GUCY1A2: variants seen among roughly 807,000 people sequenced by gnomAD.
GUCY1A2 encodes the protein guanylate cyclase 1 soluble subunit alpha 2.
In GUCY1A2, 27 loss-of-function variants were observed where a neutral mutation model predicts 63.5. The observed-to-expected ratio is 0.43, with a 90% CI of 0.31 to 0.59. The LOEUF is 0.59. Among genes scored for constraint, GUCY1A2 ranks in the 20% least tolerant of loss-of-function variants. The pLI is 0.11. For synonymous variants in GUCY1A2, 364 were observed against 343.5 expected, an observed-to-expected ratio of 1.06 and a Z score of -0.66; for missense variants, 768 against 913.3, an observed-to-expected ratio of 0.84 and a Z score of 2.05.
At chr11:106,862,775 A>G (rs1402798437) in intron 4 of GUCY1A2, among the ~76,000 whole-genome samples, 2 of 152,094 alleles carry the variant, frequency 1.3e-5, no homozygotes, top group African/African-American at 4.8e-5. Context: ...GTGGCTCTGT[A>G]AACGACTCTG....
chr11:106,723,678 C>G (rs1863355706), intron 6 of GUCY1A2, among the ~76,000 whole-genome samples: 2 of 152,180 alleles, frequency 1.3e-5, no homozygotes, highest in South Asian at 4.1e-4. Flanking sequence ...CAAAAATTAG[C>G]TGGGCATGGT....
At chr11:106,793,798 G>A (rs951107852) in intron 5 of GUCY1A2, among the ~76,000 whole-genome samples, 3 of 152,016 alleles carry the variant, frequency 2.0e-5, no homozygotes, top group Non-Finnish European at 2.9e-5. Context: ...AAGCCACAAC[G>A]AGATATCACC....
intron 4 of GUCY1A2, among the ~76,000 whole-genome samples, chr11:106,845,287 A>G (rs1426922225): frequency 6.6e-6 from 1 of 151,672 alleles, no homozygotes; most frequent in East Asian, 1.9e-4. Context: ...CCGATTAAAA[A>G]AAAAAAATGC....
intron 6 of GUCY1A2, among the ~76,000 whole-genome samples, chr11:106,709,308 T>G (rs1489361008): frequency 2.6e-5 from 2 of 75,488 alleles, no homozygotes; most frequent in East Asian, 5.8e-4. Flanking sequence ...TTTTTATATT[T>G]ATATATATTT....
At chr11:106,804,805 G>T (rs1858658061) in intron 5 of GUCY1A2, among the ~76,000 whole-genome samples, 3 of 152,134 alleles carry the variant, frequency 2.0e-5, no homozygotes, top group African/African-American at 7.2e-5. Context: ...ATTCTGTCCA[G>T]GGAAAAGACT....
chr11:106,683,174 A>G lies in GUCY1A2; in HGVS notation c.*4375T>C, dbSNP rs1862460147. Reference sequence around the variant, plus strand: ...CAATAATTCAGTCTCATGCATCATGATTTTTGGGTTATATCTATTATTAAG... The same window carrying G: ...CAATAATTCAGTCTCATGCATCATGGTTTTTGGGTTATATCTATTATTAAG... On this transcript the variant is annotated 3_prime_UTR_variant, in exon 8 of 8. Coordinates refer to ENST00000526355, the MANE Select transcript of GUCY1A2 (RefSeq NM_000855.3). 2 of 214,710 alleles carry G rather than the reference A, an allele frequency of 9.3e-6. No individual in the cohort carries two copies. The highest frequency in any genetic ancestry group is 1.2e-4 in the Admixed American group (2 of 17,088). 13.3% of individuals were successfully genotyped at this position (214,710 alleles called of 1,614,324 possible).
chr11:106,877,754 A>G (rs1223754816), intron 4 of GUCY1A2, among the ~76,000 whole-genome samples: 2 of 152,172 alleles, frequency 1.3e-5, no homozygotes, highest in African/African-American at 4.8e-5. Context: ...AGCAATTTCA[A>G]CAAAAGCAAA....
chr11:106,984,321 C>T (rs1419162425), intron 2 of GUCY1A2, among the ~76,000 whole-genome samples: 3 of 152,088 alleles, frequency 2.0e-5, no homozygotes, highest in Non-Finnish European at 4.4e-5. Context: ...ACTGTGTATG[C>T]AATAAACAGA....
At chr11:106,715,682 C>T (rs760602245) in intron 6 of GUCY1A2, among the ~76,000 whole-genome samples, 3 of 152,172 alleles carry the variant, frequency 2.0e-5, no homozygotes, top group Non-Finnish European at 2.9e-5. Context: ...CTAAATATTT[C>T]CTGACTGCTC....
At chr11:106,999,312 G>A (rs1421540377) in intron 1 of GUCY1A2, among the ~76,000 whole-genome samples, 2 of 152,070 alleles carry the variant, frequency 1.3e-5, no homozygotes, top group Non-Finnish European at 2.9e-5. Flanking sequence ...TAACATTTTC[G>A]TAACCTTAAT....
intron 4 of GUCY1A2, among the ~76,000 whole-genome samples, chr11:106,870,107 A>AGGG (rs536416669): frequency 1.2e-3 from 54 of 43,980 alleles, no homozygotes; most frequent in Admixed American, 3.8e-3. Context: ...GCCTCTTGTG[A>AGGG]GGGGGGGGGA....
At chr11:106,712,158 G>A (rs1182743307) in intron 6 of GUCY1A2, among the ~76,000 whole-genome samples, 1 of 151,848 alleles carries the variant, frequency 6.6e-6, no homozygotes. Context: ...ACATATGTTA[G>A]GAGCTTGAAT....
chr11:106,730,803 G>A (rs1285664899), intron 6 of GUCY1A2, among the ~76,000 whole-genome samples: 1 of 152,028 alleles, frequency 6.6e-6, no homozygotes, highest in Non-Finnish European at 1.5e-5. Flanking sequence ...TTTAATCATA[G>A]CCATTCTGAC....
chr11:106,699,088 TTAG>T (rs1415445089), intron 7 of GUCY1A2, among the ~76,000 whole-genome samples: 2 of 152,218 alleles, frequency 1.3e-5, no homozygotes, highest in Non-Finnish European at 2.9e-5. Flanking sequence ...GGATTTTGAG[TTAG>T]ATATTACTTG....
chr11:106,838,951 C>A lies in GUCY1A2; in HGVS notation c.1207-28473G>T, dbSNP rs542829112. Among the ~76,000 whole-genome samples, 62 of 152,014 alleles carry A rather than the reference C, an allele frequency of 4.1e-4. 1 individual carries two copies. The South Asian group carries it at 0.011, about 26-fold the overall frequency. ...TGCCTGTTCACTCTGATGGTAGTTT[C>A]TTTTGCTGTGCAGAAGCTCTTTAGT... On this transcript the variant is annotated intron_variant, in intron 4 of 7. Coordinates refer to ENST00000526355, the MANE Select transcript of GUCY1A2 (RefSeq NM_000855.3).
intron 4 of GUCY1A2, among the ~76,000 whole-genome samples, chr11:106,866,695 C>T (rs1462155367): frequency 6.6e-6 from 1 of 151,960 alleles, no homozygotes; most frequent in Non-Finnish European, 1.5e-5. Flanking sequence ...CTTTGTAATT[C>T]AAAAGGTGAA....
intron 6 of GUCY1A2, among the ~76,000 whole-genome samples, chr11:106,775,281 C>A (rs1001293303): frequency 1.3e-5 from 2 of 152,046 alleles, no homozygotes; most frequent in Non-Finnish European, 2.9e-5. Flanking sequence ...TAAAATTAAA[C>A]CTTCTGGTTT....
At chr11:106,760,923 G>A (rs1322792676) in intron 6 of GUCY1A2, among the ~76,000 whole-genome samples, 1 of 152,144 alleles carries the variant, frequency 6.6e-6, no homozygotes, top group Non-Finnish European at 1.5e-5. Context: ...AAAGGAAACA[G>A]TAAAAATAGT....
rs1379122598 is a variant in GUCY1A2, at chr11:106,677,186, G to T, written c.*10363C>A. 2 of 221,074 alleles carry T rather than the reference G, an allele frequency of 9.0e-6. No homozygotes were observed. The highest frequency in any genetic ancestry group is 2.2e-5 in the African/African-American group (1 of 44,540). The allele number at this position is 221,074 out of a possible 1,614,324, so 13.7% of individuals were successfully genotyped here. A position where few individuals can be genotyped will look rare whatever the true frequency, so the allele number is the denominator to read the frequency against. On this transcript the variant is annotated 3_prime_UTR_variant, in exon 8 of 8. Transcript: ENST00000526355. ...TAAAGCAAAGAGGGAGGGAAGGAAA[G>T]GAAGGAAAGGAAGGAAGGAAGGAAG...
Sources: gnomAD v4.1 joint callset for allele counts (sites outside exome capture counted in the v4.1 genomes callset) on GRCh38, gnomAD v4.1.1 for gene constraint, MANE v1.5 for transcripts, NCBI Gene and HGNC (gene_info 2026-07-23, HGNC 2026-07-21) for gene names.